LUZP2: variants seen among roughly 807,000 people sequenced by gnomAD.
LUZP2 encodes the protein leucine zipper protein 2.
Under a neutral mutation model 51.6 loss-of-function variants are expected in LUZP2, and 52 were observed. That is an observed-to-expected ratio of 1.01 (90% CI 0.81 to 1.27). The LOEUF (loss-of-function observed/expected upper bound fraction) is 1.27, where lower values mean the gene tolerates loss of function less well. LUZP2 is among the 50% of genes most tolerant of loss of function. The pLI is 0.00. For missense variants in LUZP2, 436 were observed against 395.4 expected (o/e 1.10, Z -0.87); for synonymous variants, 154 against 137.3 (o/e 1.12, Z -0.85).
At chr11:25,036,100 CT>C (rs1337428010) in intron 9 of LUZP2, among the ~76,000 whole-genome samples, 2 of 151,992 alleles carry the variant, frequency 1.3e-5, no homozygotes, top group Non-Finnish European at 2.9e-5. Flanking sequence ...TGATCTGGGA[CT>C]TTTTTGCCTG....
chr11:25,076,727 G>A (rs1385891959), intron 10 of LUZP2, among the ~76,000 whole-genome samples: 2 of 131,634 alleles, frequency 1.5e-5, no homozygotes, highest in Non-Finnish European at 3.3e-5. Context: ...AAGCCCAAGT[G>A]GAATCCTTTT....
chr11:24,734,415 T>C (rs1215524962), intron 3 of LUZP2, among the ~76,000 whole-genome samples: 1 of 151,826 alleles, frequency 6.6e-6, no homozygotes, highest in African/African-American at 2.4e-5. Context: ...AATCATCAAG[T>C]GTACATGTGG....
chr11:24,913,729 CTGTT>C (rs966974105), intron 6 of LUZP2, among the ~76,000 whole-genome samples: 6 of 150,364 alleles, frequency 4.0e-5, no homozygotes, highest in South Asian at 2.1e-4. Context: ...TTTTCTTTTT[CTGTT>C]TGTTTGTTTT....
chr11:25,018,994 T>G (rs1857248169), intron 9 of LUZP2, among the ~76,000 whole-genome samples: 1 of 152,136 alleles, frequency 6.6e-6, no homozygotes, highest in Admixed American at 6.6e-5. Flanking sequence ...GTTCCCAAAA[T>G]TTTGCTACCC....
At chr11:24,939,334 A>G (rs907264031) in intron 7 of LUZP2, among the ~76,000 whole-genome samples, 1 of 152,132 alleles carries the variant, frequency 6.6e-6, no homozygotes, top group African/African-American at 2.4e-5. Context: ...CAGTCTAGTA[A>G]GGGAGAGGGT....
At chr11:24,893,110 A>T (rs1057262627) in intron 5 of LUZP2, 2 of 152,234 alleles carry the variant, frequency 1.3e-5, no homozygotes, top group Non-Finnish European at 2.9e-5. Flanking sequence ...ATGAAGCAAT[A>T]GTCACAATAA....
At chr11:24,846,825 A>ATG (rs910451231) in intron 5 of LUZP2, among the ~76,000 whole-genome samples, 14 of 151,756 alleles carry the variant, frequency 9.2e-5, no homozygotes, top group African/African-American at 3.4e-4. Flanking sequence ...GTCTCCCTCT[A>ATG]TGTGTGTGTG....
chr11:24,758,123 A>G (rs1011214502), intron 4 of LUZP2, among the ~76,000 whole-genome samples: 2 of 152,150 alleles, frequency 1.3e-5, no homozygotes, highest in African/African-American at 4.8e-5. Context: ...GGCATATTTC[A>G]TTAATGAATG....
intron 5 of LUZP2, among the ~76,000 whole-genome samples, chr11:24,838,641 C>T (rs1850931708): frequency 6.6e-6 from 1 of 151,496 alleles, no homozygotes; most frequent in Non-Finnish European, 1.5e-5. Flanking sequence ...TTTATTTGGC[C>T]TTCAGATGTT....
At chr11:24,728,191 T>C (rs1029533592) in intron 1 of LUZP2, among the ~76,000 whole-genome samples, 25 of 152,090 alleles carry the variant, frequency 1.6e-4, no homozygotes, top group African/African-American at 6.0e-4. Flanking sequence ...ACACTGTTCT[T>C]CCTGACTTCC....
chr11:24,632,392 A>G (rs554385237), intron 1 of LUZP2, among the ~76,000 whole-genome samples: 1 of 152,144 alleles, frequency 6.6e-6, no homozygotes, highest in Non-Finnish European at 1.5e-5. Context: ...AGAAAATTGA[A>G]CAGAAGTCTA....
intron 1 of LUZP2, among the ~76,000 whole-genome samples, chr11:24,499,197 G>T (rs1849916194): frequency 6.6e-6 from 1 of 152,158 alleles, no homozygotes; most frequent in African/African-American, 2.4e-5. Context: ...TACCAGAAGA[G>T]AATGCTGGGC....
At chr11:24,991,352 A>G (rs61892119) in intron 9 of LUZP2, among the ~76,000 whole-genome samples, 11 of 77,708 alleles carry the variant, frequency 1.4e-4, no homozygotes, top group South Asian at 4.4e-4. Flanking sequence ...GTGTGTGTGT[A>G]TATATATATG....
At chr11:24,660,800 A>G (rs1327123046) in intron 1 of LUZP2, among the ~76,000 whole-genome samples, 4 of 149,630 alleles carry the variant, frequency 2.7e-5, no homozygotes, top group Admixed American at 2.7e-4. Context: ...TCCAAACCTT[A>G]TTTTTTTTTT....
At chr11:24,973,798 T>C (rs753737759) in intron 7 of LUZP2, among the ~76,000 whole-genome samples, 1 of 152,008 alleles carries the variant, frequency 6.6e-6, no homozygotes, top group Non-Finnish European at 1.5e-5. Context: ...TCTGGGAGAT[T>C]GTTTGTTATG....
At chr11:24,877,572 A>G (rs1287168779) in intron 5 of LUZP2, among the ~76,000 whole-genome samples, 1 of 152,170 alleles carries the variant, frequency 6.6e-6, no homozygotes, top group Non-Finnish European at 1.5e-5. Flanking sequence ...CTCCTCAAAC[A>G]TTTATCCTTT....
intron 7 of LUZP2, among the ~76,000 whole-genome samples, chr11:24,919,450 C>T (rs58997787): frequency 0.077 from 2,919 of 37,826 alleles, 570 homozygotes; most frequent in East Asian, 0.46. Context: ...TTATATATGA[C>T]ATATATTGAT....
At chr11:24,914,622 T>G (rs1375987416) in intron 7 of LUZP2, 84 bp downstream of exon 7, 1 of 943,924 alleles carries the variant, frequency 1.1e-6, no homozygotes, top group African/African-American at 1.7e-5. Context: ...TAAATTTATT[T>G]TCTGGAATTT....
intron 5 of LUZP2, among the ~76,000 whole-genome samples, chr11:24,898,757 A>G (rs1489316199): frequency 6.6e-6 from 1 of 152,214 alleles, no homozygotes; most frequent in African/African-American, 2.4e-5. Flanking sequence ...TATGAATACT[A>G]CAAATTTTTA....
Sources: gnomAD v4.1 joint callset for allele counts (sites outside exome capture counted in the v4.1 genomes callset) on GRCh38, gnomAD v4.1.1 for gene constraint, MANE v1.5 for transcripts, NCBI Gene and HGNC (gene_info 2026-07-23, HGNC 2026-07-21) for gene names.